The following ANO3 variants were observed in gnomAD, a reference collection of about 807,000 sequenced individuals.
ANO3 encodes the protein anoctamin-3.
ANO3 carries 99 observed loss-of-function variants against 144.8 expected under a neutral mutation model. That is an observed-to-expected ratio of 0.68 (90% CI 0.58 to 0.81). The LOEUF (loss-of-function observed/expected upper bound fraction) is 0.81. Among genes scored for constraint, ANO3 ranks in the 30% least tolerant of loss-of-function variants. The probability of loss-of-function intolerance (pLI) is 0.00; values close to 1 mark genes in which losing one functional copy is unlikely to be tolerated. For synonymous variants in ANO3, 414 were observed against 392.6 expected, an observed-to-expected ratio of 1.05 and a Z score of -0.64; for missense variants, 905 against 1,202.2, an observed-to-expected ratio of 0.75 and a Z score of 3.66.
At chr11:26,628,265 C>T (rs1012465409) in intron 18 of ANO3, among the ~76,000 whole-genome samples, 8 of 152,108 alleles carry the variant, frequency 5.3e-5, no homozygotes, top group Admixed American at 2.0e-4. Context: ...GGGGTCAAAA[C>T]TACCTTACAG....
chr11:26,442,793 G>A (rs1858568147), intron 2 of ANO3, among the ~76,000 whole-genome samples: 1 of 152,162 alleles, frequency 6.6e-6, no homozygotes, highest in Non-Finnish European at 1.5e-5. Flanking sequence ...TAGAGATGGA[G>A]TCTTGCTCTG....
At position 26,392,443 on chromosome 11, in the gene ANO3, G is replaced by A. The variant is rs189594668; in HGVS notation, c.47-49475G>A. 2.4e-3 allele frequency among the ~76,000 whole-genome samples: 371 copies of A among 152,026 alleles called. 2 individuals are homozygous for A. The highest frequency in any genetic ancestry group is 8.6e-3 in the African/African-American group (358 of 41,502). ...TGTGGTATAAATTGTGGAAGGCTTTGAATTAATATGACCTGTACCTTTTTT... is the reference window on the plus strand; with the variant it reads ...TGTGGTATAAATTGTGGAAGGCTTTAAATTAATATGACCTGTACCTTTTTT... On this transcript the variant is annotated intron_variant, in intron 1 of 26. Coordinates refer to ENST00000256737, the MANE Select transcript of ANO3 (RefSeq NM_031418.4).
intron 24 of ANO3, among the ~76,000 whole-genome samples, chr11:26,653,601 C>A (rs1250526206): frequency 1.3e-5 from 2 of 152,070 alleles, no homozygotes; most frequent in Admixed American, 6.5e-5. Flanking sequence ...AGCTTCTTCT[C>A]TGAGCTCGTT....
rs779804057 is a variant in ANO3, at chr11:26,284,501, T to C, written c.155-25144T>C. On this transcript the variant is annotated intron_variant, in intron 1 of 27. Transcript: ENST00000672621. Reference sequence around the variant, plus strand: ...TGAGTGTTTTTGTACTCATTATATGTATATGAAATCAGAGAATGAGAGAGC... The same window carrying C: ...TGAGTGTTTTTGTACTCATTATATGCATATGAAATCAGAGAATGAGAGAGC... Among the ~76,000 whole-genome samples, 156 of 152,336 alleles carry C rather than the reference T, an allele frequency of 1.0e-3. 1 individual carries two copies. Among genetic ancestry groups the C allele is most frequent in the Non-Finnish European group, 1.7e-3 (119 of 68,032 alleles).
chr11:26,643,475 G>T lies in ANO3; in HGVS notation c.2428+141G>T, dbSNP rs918751528. 6 of 1,062,946 alleles carry T rather than the reference G, an allele frequency of 5.6e-6. No individual in the cohort carries two copies. In the East Asian group the frequency reaches 1.6e-4, roughly 29 times the overall value. 65.8% of individuals were successfully genotyped at this position (1,062,946 alleles called of 1,614,324 possible). ...AGGCCTTTAAGAAGTGATTAAGCTG[G>T]CCGGGCGTGGTGGCTCACTCCTGTA... On this transcript the variant is annotated intron_variant, in intron 23 of 26. Coordinates refer to ENST00000256737, the MANE Select transcript of ANO3 (RefSeq NM_031418.4).
intron 1 of ANO3, among the ~76,000 whole-genome samples, chr11:26,250,949 T>C (rs969884504): frequency 2.6e-5 from 4 of 152,190 alleles, no homozygotes; most frequent in African/African-American, 9.7e-5. Flanking sequence ...CTAAATCATC[T>C]AGCAACATAG....
chr11:26,445,916 C>T (rs539998550), intron 3 of ANO3, among the ~76,000 whole-genome samples: 1 of 152,116 alleles, frequency 6.6e-6, no homozygotes, highest in Non-Finnish European at 1.5e-5. Context: ...ACTGCAACCT[C>T]TGCCTGCCAG....
chr11:26,238,038 A>C (rs760030305), intron 1 of ANO3, among the ~76,000 whole-genome samples: 17 of 152,088 alleles, frequency 1.1e-4, no homozygotes, highest in Non-Finnish European at 2.2e-4. Flanking sequence ...TTATAAACCA[A>C]AGTTTCTAAG....
At chr11:26,450,966 G>C (rs193071323) in intron 3 of ANO3, among the ~76,000 whole-genome samples, 1 of 152,222 alleles carries the variant, frequency 6.6e-6, no homozygotes. Flanking sequence ...ATATTATATT[G>C]GTCAGTTCCT....
At chr11:26,455,576 C>T (rs1590375462) in intron 3 of ANO3, among the ~76,000 whole-genome samples, 1 of 152,090 alleles carries the variant, frequency 6.6e-6, no homozygotes, top group South Asian at 2.1e-4. Context: ...TAAAAGAGGA[C>T]ACAAACAAAT....
At chr11:26,534,708 T>A in intron 9 of ANO3, 146 bp downstream of exon 9, 1 of 442,880 alleles carries the variant, frequency 2.3e-6, no homozygotes. Context: ...AAGCATTCCA[T>A]TTTTCAGCCT....
intron 1 of ANO3, among the ~76,000 whole-genome samples, chr11:26,320,808 T>C (rs1373584763): frequency 6.6e-6 from 1 of 152,192 alleles, no homozygotes; most frequent in Non-Finnish European, 1.5e-5. Flanking sequence ...CTGGAATCAC[T>C]TTGACCACTG....
At chr11:26,505,114 C>G (rs1294056593) in intron 4 of ANO3, among the ~76,000 whole-genome samples, 1 of 150,552 alleles carries the variant, frequency 6.6e-6, no homozygotes, top group East Asian at 1.9e-4. Context: ...TGGTTTAGAC[C>G]AGAGTGGTAG....
At chr11:26,397,278 A>T (rs1268293223) in intron 1 of ANO3, among the ~76,000 whole-genome samples, 1 of 151,864 alleles carries the variant, frequency 6.6e-6, no homozygotes, top group Non-Finnish European at 1.5e-5. Context: ...ATGTACATGT[A>T]TTTTTTTTCT....
At chr11:26,401,915 T>C (rs1278624739) in intron 1 of ANO3, among the ~76,000 whole-genome samples, 1 of 152,014 alleles carries the variant, frequency 6.6e-6, no homozygotes, top group African/African-American at 2.4e-5. Flanking sequence ...TGAAATAAAT[T>C]ATGATCCGAC....
intron 14 of ANO3, 98 bp from the exon 15 acceptor site, chr11:26,598,267 T>A: frequency 1.9e-6 from 1 of 524,046 alleles, no homozygotes; most frequent in Non-Finnish European, 3.0e-6. Context: ...ATTATTTTCA[T>A]AATTTAATTT....
intron 14 of ANO3, among the ~76,000 whole-genome samples, chr11:26,584,706 G>C (rs952500135): frequency 6.6e-6 from 1 of 152,192 alleles, no homozygotes; most frequent in Non-Finnish European, 1.5e-5. Flanking sequence ...CAAGCTCACT[G>C]ATATATTTCA....
At position 26,558,759 on chromosome 11, in the gene ANO3, C is replaced by T. The variant is rs12288130; in HGVS notation, c.1387-960C>T. ...TGTTCCAGATGTTACAACTGAAATA[C>T]GTATTACTGTTGTTTTAATGCTCCC... On this transcript the variant is annotated intron_variant, in intron 13 of 26. Transcript: ENST00000256737. Among the ~76,000 whole-genome samples the T allele has an allele frequency of 5.9e-3, 902 of 152,116 alleles. 7 individuals are homozygous for T. Among genetic ancestry groups the T allele is most frequent in the African/African-American group, 0.021 (854 of 41,512 alleles).
intron 1 of ANO3, among the ~76,000 whole-genome samples, chr11:26,238,117 T>A (rs1366857499): frequency 2.6e-5 from 4 of 152,110 alleles, no homozygotes; most frequent in African/African-American, 9.7e-5. Context: ...TGCATAAAAT[T>A]GTGTGTGTGC....
Sources: gnomAD v4.1 joint callset for allele counts (sites outside exome capture counted in the v4.1 genomes callset) on GRCh38, gnomAD v4.1.1 for gene constraint, MANE v1.5 for transcripts, NCBI Gene and HGNC (gene_info 2026-07-23, HGNC 2026-07-21) for gene names.